Variants in FBN1 observed in about 807,000 individuals in gnomAD.
FBN1 encodes fibrillin 1.
Under a neutral mutation model 365.1 loss-of-function variants are expected in FBN1, and 29 were observed. The observed-to-expected ratio is 0.08, with a 90% CI of 0.06 to 0.11. FBN1 has a LOEUF of 0.11. Among genes scored for constraint, FBN1 ranks in the 10% least tolerant of loss-of-function variants. The probability of loss-of-function intolerance (pLI) is 1.00; values close to 1 mark genes in which losing one functional copy is unlikely to be tolerated. For synonymous variants in FBN1, 1,210 were observed against 1,270.5 expected (o/e 0.95, Z 1.01); for missense variants, 2,476 against 3,703.2 (o/e 0.67, Z 8.60).
intron 6 of FBN1, among the ~76,000 whole-genome samples, chr15:48,561,104 A>T (rs1379468010): frequency 6.6e-6 from 1 of 152,222 alleles, no homozygotes. Flanking sequence ...AACCCCAGTG[A>T]TGAGTGGTCT....
chr15:48,602,452 T>C (rs2044574769), intron 4 of FBN1, among the ~76,000 whole-genome samples: 1 of 152,182 alleles, frequency 6.6e-6, no homozygotes, highest in Non-Finnish European at 1.5e-5. Flanking sequence ...TGTATAAAAC[T>C]GTGCTAAATT....
chr15:48,556,395 A>G (rs562345306), intron 6 of FBN1, among the ~76,000 whole-genome samples: 1 of 152,358 alleles, frequency 6.6e-6, no homozygotes, highest in East Asian at 1.9e-4. Context: ...GAAAGCATTC[A>G]TAAGAAGAGG....
intron 2 of FBN1, among the ~76,000 whole-genome samples, chr15:48,630,281 G>T (rs1270138283): frequency 1.3e-5 from 2 of 152,134 alleles, no homozygotes; most frequent in African/African-American, 4.8e-5. Flanking sequence ...GTTAAATTTG[G>T]GTTTTTCTGT....
intron 44 of FBN1, 24 bp from the exon 45 acceptor site, chr15:48,452,708 T>C: frequency 3.1e-6 from 5 of 1,613,814 alleles, no homozygotes; most frequent in Non-Finnish European, 4.2e-6. Flanking sequence ...AGAACTGAAT[T>C]TGAAGGAGAA....
At chr15:48,486,751 T>C (rs1040480553) in intron 29 of FBN1, among the ~76,000 whole-genome samples, 1 of 152,220 alleles carries the variant, frequency 6.6e-6, no homozygotes. Context: ...TGCATGTGTG[T>C]AGACAAAGCA....
chr15:48,519,578 C>T (rs553811207), intron 10 of FBN1, among the ~76,000 whole-genome samples: 2 of 151,986 alleles, frequency 1.3e-5, no homozygotes, highest in Non-Finnish European at 2.9e-5. Flanking sequence ...GCAGGTACCT[C>T]GGGATATTCA....
intron 8 of FBN1, among the ~76,000 whole-genome samples, chr15:48,530,703 G>T (rs923233804): frequency 1.3e-5 from 2 of 152,136 alleles, no homozygotes; most frequent in Admixed American, 1.3e-4. Flanking sequence ...CTTAGCTCCT[G>T]AGAGGATAAG....
intron 60 of FBN1, among the ~76,000 whole-genome samples, chr15:48,425,004 A>G (rs1051855461): frequency 2.6e-5 from 4 of 152,198 alleles, no homozygotes; most frequent in Admixed American, 2.0e-4. Context: ...CCTTCCTGGA[A>G]ACCTGAACTA....
chr15:48,413,615 G>A (rs1202415777), intron 64 of FBN1, among the ~76,000 whole-genome samples: 1 of 152,186 alleles, frequency 6.6e-6, no homozygotes, highest in Admixed American at 6.5e-5. Context: ...TTCCAAATGT[G>A]TTGAAACATT....
At position 48,610,840 on chromosome 15, in the gene FBN1, AGAGGTC is replaced by A; in HGVS notation, c.248-20_248-15del. On this transcript the variant is annotated splice_polypyrimidine_tract_variant and intron_variant, in intron 3 of 65. Coordinates refer to ENST00000316623, the MANE Select transcript of FBN1 (RefSeq NM_000138.5). Reference sequence around the variant, plus strand: ...GCCGGCAAATGGCTGTGAATAAACCAGAGGTCTGTTAGCACATGGATTTGGAACACG... The same window carrying A: ...GCCGGCAAATGGCTGTGAATAAACCATGTTAGCACATGGATTTGGAACACG... The A allele has an allele frequency of 6.2e-7, 1 of 1,609,036 alleles. No individual in the cohort carries two copies. Among genetic ancestry groups the A allele is most frequent in the East Asian group, 2.2e-5 (1 of 44,848 alleles).
chr15:48,506,879 AG>A (rs2043712632), intron 15 of FBN1, among the ~76,000 whole-genome samples: 2 of 152,192 alleles, frequency 1.3e-5, no homozygotes, highest in South Asian at 4.1e-4. Context: ...TCTATAAGCT[AG>A]AAAAAAATAA....
intron 62 of FBN1, 68 bp from the exon 63 acceptor site, chr15:48,420,874 T>C (rs2042935874): frequency 6.3e-7 from 1 of 1,585,240 alleles, no homozygotes; most frequent in Non-Finnish European, 8.6e-7. Flanking sequence ...TGGATTCTAA[T>C]AAGAAATCTG....
At chr15:48,483,977 T>C (rs779169029) in intron 30 of FBN1, 34 bp from the exon 31 acceptor site, 1 of 1,608,632 alleles carries the variant, frequency 6.2e-7, no homozygotes, top group South Asian at 1.1e-5. Context: ...CACAGGTTGT[T>C]GATATTGGTT....
intron 2 of FBN1, among the ~76,000 whole-genome samples, chr15:48,616,459 T>G (rs1375531005): frequency 6.6e-6 from 1 of 152,244 alleles, no homozygotes. Flanking sequence ...ACATTTGTTT[T>G]ACTTATACAC....
Position 48,410,903 on chromosome 15 carries a change from T to G in FBN1, c.*87A>C. The G allele has an allele frequency of 8.1e-7, 1 of 1,238,808 alleles. No individual in the cohort carries two copies. Among genetic ancestry groups the G allele is most frequent in the Non-Finnish European group, 1.2e-6 (1 of 867,712 alleles). 76.7% of individuals were successfully genotyped at this position (1,238,808 alleles called of 1,614,324 possible). A position where few individuals can be genotyped will look rare whatever the true frequency, so the allele number is the denominator to read the frequency against. On this transcript the variant is annotated 3_prime_UTR_variant, in exon 66 of 66. Transcript: ENST00000316623. The stretch of plus-strand genomic sequence containing the variant: ...TTTACTTGGTGAAAGATTGTACCTA[T>G]GATATGATGATTCTGATTGGGGGAA...
intron 2 of FBN1, among the ~76,000 whole-genome samples, chr15:48,616,055 C>T (rs566980223): frequency 7.2e-5 from 11 of 152,302 alleles, no homozygotes; most frequent in South Asian, 2.1e-4. Context: ...ACTAGACTTT[C>T]GAAGTATGAA....
chr15:48,441,102 A>G (rs1373087493), intron 50 of FBN1, among the ~76,000 whole-genome samples: 1 of 152,202 alleles, frequency 6.6e-6, no homozygotes, highest in Non-Finnish European at 1.5e-5. Flanking sequence ...TTAAGTACAT[A>G]CTGTGTTATG....
At chr15:48,637,566 C>G (rs892462325) in intron 2 of FBN1, among the ~76,000 whole-genome samples, 1 of 152,194 alleles carries the variant, frequency 6.6e-6, no homozygotes, top group African/African-American at 2.4e-5. Flanking sequence ...CTTCATATCC[C>G]TTTCCCTTGA....
rs143997339 is a variant in FBN1 at position 48,424,410 on chromosome 15, C to A, written c.7453+959G>T. 7.3e-3 allele frequency among the ~76,000 whole-genome samples: 1,105 copies of A among 152,300 alleles called. 10 individuals carry two copies. The highest frequency in any genetic ancestry group is 1.0e-2 in the Non-Finnish European group (678 of 68,018). On this transcript the variant is annotated intron_variant, in intron 60 of 65. Coordinates refer to ENST00000316623, the MANE Select transcript of FBN1 (RefSeq NM_000138.5). ...TCCTCTCCTCTCCTCCAATCTGGATCCTCCGTGGGGATGTGCTGGTCCCAC... is the reference window on the plus strand; with the variant it reads ...TCCTCTCCTCTCCTCCAATCTGGATACTCCGTGGGGATGTGCTGGTCCCAC...
Sources: allele counts gnomAD v4.1 joint callset (sites outside exome capture counted in the v4.1 genomes callset), GRCh38; gene constraint gnomAD v4.1.1; transcripts MANE v1.5; gene names NCBI Gene and HGNC (gene_info 2026-07-23, HGNC 2026-07-21).